The following EVC variants were observed in gnomAD, a reference collection of about 807,000 sequenced individuals.
EVC encodes EvC ciliary complex subunit 1, also known as evC complex member EVC.
A neutral mutation model predicts 118.9 loss-of-function variants in EVC; 116 were observed. The observed-to-expected ratio is 0.98, with a 90% CI of 0.84 to 1.14. The LOEUF is 1.14. Among genes scored for constraint, EVC ranks in the 50% most tolerant of loss-of-function variants. The pLI is 0.00. For synonymous variants in EVC, 619 were observed against 534.7 expected (o/e 1.16, Z -2.18); for missense variants, 1,401 against 1,246.4 (o/e 1.12, Z -1.87).
intron 8 of EVC, among the ~76,000 whole-genome samples, chr4:5,752,299 T>C (rs992100557): frequency 1.3e-5 from 2 of 152,012 alleles, no homozygotes; most frequent in Admixed American, 1.3e-4. Flanking sequence ...GTCCCTGAAA[T>C]GATGAGGTGG....
intron 2 of EVC, among the ~76,000 whole-genome samples, chr4:5,721,605 T>A (rs1724974949): frequency 6.6e-6 from 1 of 152,170 alleles, no homozygotes; most frequent in Admixed American, 6.5e-5. Context: ...TGGTGGCTCA[T>A]GCCTGTAATC....
intron 11 of EVC, among the ~76,000 whole-genome samples, chr4:5,770,641 G>T (rs891118213): frequency 9.2e-5 from 14 of 152,194 alleles, no homozygotes; most frequent in African/African-American, 3.1e-4. Flanking sequence ...CACCCCTGGG[G>T]TTGTGTCCAG....
chr4:5,739,863 C>T (rs947495450), intron 5 of EVC, among the ~76,000 whole-genome samples: 9 of 138,584 alleles, frequency 6.5e-5, no homozygotes, highest in East Asian at 2.1e-4. Context: ...TTCAGGAGTT[C>T]GAGACCAGCC....
Position 5,794,376 on chromosome 4 carries a change from CATATATATATATTTTTTATATATATAT to C in EVC, c.1886+664_1886+690del, listed in dbSNP as rs1252082946. On this transcript the variant is annotated intron_variant, in intron 13 of 20. Coordinates refer to ENST00000264956, the MANE Select transcript of EVC (RefSeq NM_153717.3). The stretch of plus-strand genomic sequence containing the variant: ...ATATTTATGTATTTATATTTATATA[CATATATATATATTTTTTATATATATAT>C]ATATTTTTTTTCTTTTTTCTCGAGA... Among the ~76,000 whole-genome samples the C allele has an allele frequency of 5.7e-5, 7 of 123,392 alleles. No individual in the cohort carries two copies. In the East Asian group the frequency reaches 1.5e-3, roughly 26 times the overall value. The allele number at this position is 123,392 out of a possible 152,430, so 80.9% of individuals were successfully genotyped here.
Position 5,802,248 on chromosome 4 carries a change from A to G in EVC, c.2449+154A>G, listed in dbSNP as rs530924565. On this transcript the variant is annotated intron_variant, in intron 16 of 20. Transcript: ENST00000264956. The stretch of plus-strand genomic sequence containing the variant: ...TATTTATCCCGTGCTTTGTCTCAAA[A>G]AGCCTTTTTCAAAAGGCACTTAAAG... Among the ~76,000 whole-genome samples the G allele has an allele frequency of 5.7e-4, 87 of 152,354 alleles. 1 individual carries two copies. Among genetic ancestry groups the G allele is most frequent in the Admixed American group, 4.5e-3 (69 of 15,306 alleles).
chr4:5,824,532 A>G, the EVC span: 1 of 984,884 alleles, frequency 1.0e-6, no homozygotes, highest in Non-Finnish European at 1.2e-6. Context: ...TTTGCTAAGC[A>G]TATCGCCTTT....
intron 7 of EVC, 140 bp downstream of exon 7, chr4:5,745,481 G>A (rs1483693014): frequency 1.2e-6 from 1 of 846,446 alleles, no homozygotes. Flanking sequence ...GCAGGATCCA[G>A]TTTCTGATGC....
At chr4:5,787,449 G>T (rs1394807926) in intron 12 of EVC, among the ~76,000 whole-genome samples, 1 of 152,226 alleles carries the variant, frequency 6.6e-6, no homozygotes, top group Non-Finnish European at 1.5e-5. Context: ...GAGGAGTGAG[G>T]AAGACTCTGC....
intron 16 of EVC, among the ~76,000 whole-genome samples, 173 bp downstream of exon 16, chr4:5,802,267 C>T (rs1156303907): frequency 5.3e-5 from 8 of 152,176 alleles, no homozygotes; most frequent in African/African-American, 1.7e-4. Flanking sequence ...TCAAAAGGCA[C>T]TTAAAGAAAC....
chr4:5,795,057 A>C (rs540810522), intron 13 of EVC, among the ~76,000 whole-genome samples: 1 of 152,308 alleles, frequency 6.6e-6, no homozygotes, highest in East Asian at 1.9e-4. Flanking sequence ...ACTGCAAATA[A>C]CATGATTTCA....
Position 5,789,661 on chromosome 4 carries a change from G to A in EVC, c.1777-3947G>A, listed in dbSNP as rs1264093203. Among the ~76,000 whole-genome samples the A allele has an allele frequency of 2.6e-5, 4 of 152,286 alleles. No individual in the cohort carries two copies. In the South Asian group the frequency reaches 6.2e-4, roughly 24 times the overall value. On this transcript the variant is annotated intron_variant, in intron 12 of 20. Coordinates refer to ENST00000264956, the MANE Select transcript of EVC (RefSeq NM_153717.3). This position sits in a 1 kb window ranked among gnomAD's most constrained non-coding sequence, Gnocchi z 4.3. Reference sequence around the variant, plus strand: ...GGCCACAAAATGACCTGGTAGCAATGACCAGCACTCTAGCCCGAGGAAGCA... The same window carrying A: ...GGCCACAAAATGACCTGGTAGCAATAACCAGCACTCTAGCCCGAGGAAGCA...
At chr4:5,757,303 C>T (rs986768968) in intron 11 of EVC, among the ~76,000 whole-genome samples, 5 of 152,182 alleles carry the variant, frequency 3.3e-5, no homozygotes, top group Non-Finnish European at 5.9e-5. Flanking sequence ...GGAGGCATTG[C>T]TGAGCCAAGC....
At chr4:5,770,881 G>T (rs1733841623) in intron 11 of EVC, among the ~76,000 whole-genome samples, 2 of 151,790 alleles carry the variant, frequency 1.3e-5, no homozygotes, top group South Asian at 4.2e-4. Context: ...GGTGTCGTGG[G>T]GTGTGCCTGT....
chr4:5,730,715 G>T (rs181133435), intron 3 of EVC, among the ~76,000 whole-genome samples: 1 of 152,026 alleles, frequency 6.6e-6, no homozygotes, highest in East Asian at 1.9e-4. Flanking sequence ...AGGAAGGGAC[G>T]CTTCTGCCCA....
At chr4:5,799,315 T>C (rs954020925) in intron 15 of EVC, among the ~76,000 whole-genome samples, 1 of 152,234 alleles carries the variant, frequency 6.6e-6, no homozygotes, top group African/African-American at 2.4e-5. Flanking sequence ...GTGATAAAAA[T>C]GATAACAGTG....
At chr4:5,786,514 AC>A (rs1711619386) in intron 12 of EVC, among the ~76,000 whole-genome samples, 1 of 152,194 alleles carries the variant, frequency 6.6e-6, no homozygotes, top group African/African-American at 2.4e-5. Context: ...CATAAGTATG[AC>A]CCAAGACTGT....
intron 2 of EVC, 94 bp from the exon 3 acceptor site, chr4:5,729,213 A>C: frequency 8.8e-7 from 1 of 1,141,308 alleles, no homozygotes; most frequent in South Asian, 1.2e-5. Context: ...TGAGGCTGCT[A>C]TTACAAATGG....
rs1727918491 is a variant in EVC, at chr4:5,737,732, A to C, written c.703-3984A>C. Among the ~76,000 whole-genome samples the C allele has an allele frequency of 6.6e-6, 1 of 152,188 alleles. No individual in the cohort carries two copies. The highest frequency in any genetic ancestry group is 2.4e-5 in the African/African-American group (1 of 41,442). On this transcript the variant is annotated intron_variant, in intron 5 of 20. Transcript: ENST00000264956. The surrounding 1 kb of genome is among the most constrained non-coding windows in gnomAD (Gnocchi z 5.0). ...ATTGACACCTACTGCCCAGAAAATA[A>C]ACTTCTTTTCAAAATGTTACTGGTC...
At chr4:5,802,495 T>C (rs1715187266) in intron 16 of EVC, among the ~76,000 whole-genome samples, 1 of 152,222 alleles carries the variant, frequency 6.6e-6, no homozygotes, top group South Asian at 2.1e-4. Flanking sequence ...ATATCTATTG[T>C]GCATTTCATT....
Sources: gnomAD v4.1 joint callset for allele counts (sites outside exome capture counted in the v4.1 genomes callset) on GRCh38, gnomAD v4.1.1 for gene constraint, Gnocchi (gnomAD v3.1) non-coding constraint, MANE v1.5 for transcripts, NCBI Gene and HGNC (gene_info 2026-07-23, HGNC 2026-07-21) for gene names.